Variants in DDX4 observed in about 807,000 individuals in gnomAD.
DDX4 encodes the protein probable ATP-dependent RNA helicase DDX4.
In DDX4, 25 loss-of-function variants were observed where a neutral mutation model predicts 100.0. The ratio of observed to expected loss-of-function variants is 0.25; its 90% CI spans 0.18 to 0.35. The LOEUF (loss-of-function observed/expected upper bound fraction) is 0.35, where lower values mean the gene tolerates loss of function less well. Ranked by LOEUF, DDX4 falls within the 10% of genes least tolerant of loss-of-function variation. The pLI, the probability that DDX4 is intolerant of heterozygous loss-of-function variation, is 1.00. For synonymous variants in DDX4, 259 were observed against 275.7 expected (o/e 0.94, Z 0.60); for missense variants, 635 against 882.4 (o/e 0.72, Z 3.55).
chr5:55,784,548 C>G (rs553402210), intron 10 of DDX4, among the ~76,000 whole-genome samples: 204 of 152,322 alleles, frequency 1.3e-3, no homozygotes, highest in Non-Finnish European at 1.8e-3. Flanking sequence ...CATCTGAAAA[C>G]TTGGATTTGG....
chr5:55,772,740 T>G (rs938920408), intron 7 of DDX4, among the ~76,000 whole-genome samples: 2 of 152,210 alleles, frequency 1.3e-5, no homozygotes, highest in African/African-American at 4.8e-5. Flanking sequence ...CTGCATCATA[T>G]GATCTCTGAA....
intron 17 of DDX4, among the ~76,000 whole-genome samples, chr5:55,796,004 G>A (rs1404109673): frequency 6.6e-6 from 1 of 152,192 alleles, no homozygotes. Flanking sequence ...AGCTGCTGGT[G>A]CAAGTCCCAG....
intron 7 of DDX4, among the ~76,000 whole-genome samples, chr5:55,777,806 A>G (rs981401190): frequency 6.6e-6 from 1 of 152,232 alleles, no homozygotes; most frequent in Non-Finnish European, 1.5e-5. Flanking sequence ...GAGACAAAGT[A>G]TACTGTAAGG....
Position 55,778,917 on chromosome 5 carries a change from C to T in DDX4, c.395-1047C>T, listed in dbSNP as rs557374819. Among the ~76,000 whole-genome samples, 17 of 150,324 alleles carry T rather than the reference C, an allele frequency of 1.1e-4. No individual in the cohort carries two copies. In the East Asian group the frequency reaches 2.9e-3, roughly 26 times the overall value. On this transcript the variant is annotated intron_variant, in intron 7 of 21. Coordinates refer to ENST00000505374, the MANE Select transcript of DDX4 (RefSeq NM_024415.3). ...TCAAAAAAAAAAAAGATGTGGAAGA[C>T]GATAAGTTCCATTTAGTTCGTAAAA...
At chr5:55,761,757 G>A (rs773597763) in intron 4 of DDX4, among the ~76,000 whole-genome samples, 10 of 151,970 alleles carry the variant, frequency 6.6e-5, no homozygotes, top group African/African-American at 1.4e-4. Flanking sequence ...ACAGGTGTGC[G>A]CCACCACGCC....
chr5:55,761,267 T>G (rs1740527216), intron 4 of DDX4, among the ~76,000 whole-genome samples: 1 of 152,176 alleles, frequency 6.6e-6, no homozygotes, highest in Admixed American at 6.5e-5. Context: ...TTTTGTTAGC[T>G]ACTATTAAAA....
rs777415025 is a variant in DDX4 at position 55,792,621 on chromosome 5, C to T, written c.1303-20C>T. 3.2e-5 allele frequency: 45 copies of T among 1,387,402 alleles called. No homozygotes were observed. The South Asian group carries it at 5.2e-4, about 16-fold the overall frequency. 85.9% of individuals were successfully genotyped at this position (1,387,402 alleles called of 1,614,324 possible). A position where few individuals can be genotyped will look rare whatever the true frequency, so the allele number is the denominator to read the frequency against. ...AACTAATATGCATTTTCTGTTTTAC[C>T]TTTGAAAATATCCTTAAAGATTGGT... On this transcript the variant is annotated intron_variant, in intron 16 of 21. Transcript: ENST00000505374.
chr5:55,742,555 T>C (rs1282605577), intron 2 of DDX4, among the ~76,000 whole-genome samples: 1 of 152,214 alleles, frequency 6.6e-6, no homozygotes, highest in East Asian at 1.9e-4. Flanking sequence ...GAAAAAAATG[T>C]GTTCATCAAA....
intron 18 of DDX4, among the ~76,000 whole-genome samples, chr5:55,810,415 T>C (rs564522224): frequency 7.2e-5 from 11 of 152,168 alleles, no homozygotes; most frequent in African/African-American, 2.4e-4. Flanking sequence ...ATGTTTCGGA[T>C]TTTTTTTAAT....
chr5:55,798,308 T>C (rs754967475), intron 17 of DDX4, 118 bp from the exon 18 acceptor site: 224 of 1,061,956 alleles, frequency 2.1e-4, no homozygotes, highest in East Asian at 2.8e-4. Flanking sequence ...AACCATCTTA[T>C]AGCTGTTATA....
At chr5:55,763,920 T>C (rs1045045562) in intron 5 of DDX4, 94 bp from the exon 6 acceptor site, 2 of 838,852 alleles carry the variant, frequency 2.4e-6, no homozygotes, top group Admixed American at 1.9e-5. Context: ...TGTGTATCGC[T>C]TATCTTAGAA....
At chr5:55,766,992 A>G (rs1580543052) in intron 6 of DDX4, 3 of 1,530,738 alleles carry the variant, frequency 2.0e-6, no homozygotes, top group African/African-American at 1.4e-5. Flanking sequence ...CCTTCAGTAT[A>G]GTAATCTCTC....
In DDX4 at chr5:55,767,922, G is replaced by C. The variant is rs1223807784; in HGVS notation, c.376G>C (p.Gly126Arg). 6.2e-7 allele frequency: 1 copy of C among 1,613,948 alleles called. No individual in the cohort carries two copies. Among genetic ancestry groups the C allele is most frequent in the South Asian group, 1.1e-5 (1 of 91,076 alleles). The change falls in exon 7 of 22, where the codon GGG (glycine) becomes CGG (arginine). Residue 126 changes from glycine to arginine, a missense_variant. By Grantham distance (125) the Gly-to-Arg change is moderately radical. Transcript: ENST00000505374. ...CGAAGATAATCCAACACGGAACAGAGGGTTTTCCAAGAGAGGCGGTAAGGA... is the reference window on the plus strand; with the variant it reads ...CGAAGATAATCCAACACGGAACAGACGGTTTTCCAAGAGAGGCGGTAAGGA... ...DCEDNPTRNRGFSKRGGYRDG... is the reference protein window; with the variant it reads ...DCEDNPTRNRRFSKRGGYRDG...
chr5:55,799,520 C>T (rs765310967), intron 18 of DDX4, among the ~76,000 whole-genome samples: 1 of 152,064 alleles, frequency 6.6e-6, no homozygotes, highest in South Asian at 2.1e-4. Context: ...GGACTACAGG[C>T]GTGCACCACC....
intron 7 of DDX4, among the ~76,000 whole-genome samples, chr5:55,774,233 C>T (rs1741425113): frequency 6.6e-6 from 1 of 151,722 alleles, no homozygotes; most frequent in Non-Finnish European, 1.5e-5. Flanking sequence ...TTCATGACAG[C>T]TTCAACTTCC....
chr5:55,778,757 G>A (rs1741720564), intron 7 of DDX4, among the ~76,000 whole-genome samples: 1 of 152,144 alleles, frequency 6.6e-6, no homozygotes, highest in Non-Finnish European at 1.5e-5. Flanking sequence ...AGCTGGGCAT[G>A]TTGGTTCATG....
rs200408141 is a variant in DDX4 at position 55,782,624 on chromosome 5, CTG to C, written c.625+645_625+646del. ...TTTTTGTTTGTTAAACAAAAAAAAA[CTG>C]TTTAATAAAATAATAATCATGAAAT... On this transcript the variant is annotated intron_variant, in intron 10 of 21. Coordinates refer to ENST00000505374, the MANE Select transcript of DDX4 (RefSeq NM_024415.3). 5.5e-3 allele frequency among the ~76,000 whole-genome samples: 831 copies of C among 151,590 alleles called. 3 individuals carry two copies. Among genetic ancestry groups the C allele is most frequent in the Non-Finnish European group, 5.9e-3 (398 of 67,862 alleles).
chr5:55,752,438 G>T (rs1344069166), intron 3 of DDX4, among the ~76,000 whole-genome samples: 1 of 147,268 alleles, frequency 6.8e-6, no homozygotes, highest in East Asian at 2.0e-4. Context: ...GCGGTGTTTG[G>T]TTTTTTGTTC....
At chr5:55,745,228 A>G (rs1240042110) in intron 2 of DDX4, among the ~76,000 whole-genome samples, 2 of 152,154 alleles carry the variant, frequency 1.3e-5, no homozygotes, top group African/African-American at 4.8e-5. Context: ...TGGTTTCACT[A>G]TAAATGCAGT....
Sources: allele counts gnomAD v4.1 joint callset (sites outside exome capture counted in the v4.1 genomes callset), GRCh38; gene constraint gnomAD v4.1.1; transcripts MANE v1.5; gene names NCBI Gene and HGNC (gene_info 2026-07-23, HGNC 2026-07-21).